PLEKHA5: variants seen among roughly 807,000 people sequenced by gnomAD.
The protein encoded by PLEKHA5 is pleckstrin homology domain-containing family A member 5.
Under a neutral mutation model 181.9 loss-of-function variants are expected in PLEKHA5, and 55 were observed. The ratio of observed to expected loss-of-function variants is 0.30; its 90% CI spans 0.24 to 0.38. PLEKHA5 has a LOEUF of 0.38. Among genes scored for constraint, PLEKHA5 ranks in the 10% least tolerant of loss-of-function variants. The pLI is 1.00. For synonymous variants in PLEKHA5, 535 were observed against 529.4 expected (o/e 1.01, Z -0.15); for missense variants, 1,432 against 1,549.5 (o/e 0.92, Z 1.27).
At chr12:19,288,433 C>T (rs1391288012) in intron 13 of PLEKHA5, among the ~76,000 whole-genome samples, 1 of 152,136 alleles carries the variant, frequency 6.6e-6, no homozygotes, top group Non-Finnish European at 1.5e-5. Flanking sequence ...ATGACTTTTC[C>T]TCACTTCAGT....
intron 22 of PLEKHA5, among the ~76,000 whole-genome samples, chr12:19,344,049 C>CAAAAA (rs35734108): frequency 8.3e-6 from 1 of 120,982 alleles, no homozygotes. Flanking sequence ...GAAACTGTCC[C>CAAAAA]AAAAAAAAAA....
chr12:19,240,850 T>G (rs12827782), intron 3 of PLEKHA5, among the ~76,000 whole-genome samples: 1 of 152,148 alleles, frequency 6.6e-6, no homozygotes, highest in African/African-American at 2.4e-5. Context: ...AGTTTTATTT[T>G]GAAAGTCAGT....
intron 6 of PLEKHA5, among the ~76,000 whole-genome samples, chr12:19,260,602 A>C (rs1185911710): frequency 6.6e-6 from 1 of 152,194 alleles, no homozygotes; most frequent in African/African-American, 2.4e-5. Context: ...CAAGCCTGTA[A>C]TCCCAGCACT....
chr12:19,201,553 C>G (rs1386931867), intron 3 of PLEKHA5: 2 of 152,028 alleles, frequency 1.3e-5, no homozygotes. Flanking sequence ...TCATAACAGC[C>G]TAACAGTGCA....
intron 13 of PLEKHA5, 124 bp from the exon 14 acceptor site, chr12:19,290,553 G>T: frequency 4.2e-6 from 3 of 710,578 alleles, no homozygotes; most frequent in Non-Finnish European, 4.5e-6. Flanking sequence ...ATAGTGCCTA[G>T]GCACTATGTT....
At chr12:19,308,775 A>G (rs1029687467) in intron 15 of PLEKHA5, among the ~76,000 whole-genome samples, 5 of 152,160 alleles carry the variant, frequency 3.3e-5, no homozygotes, top group Non-Finnish European at 5.9e-5. Context: ...GGCTGGGCAC[A>G]GTGGCTCACC....
At chr12:19,167,822 G>A (rs901592866) in intron 3 of PLEKHA5, among the ~76,000 whole-genome samples, 3 of 152,046 alleles carry the variant, frequency 2.0e-5, no homozygotes, top group African/African-American at 7.2e-5. Context: ...TGTCTGCTGG[G>A]GAAAGTGACA....
Position 19,255,179 on chromosome 12 carries a change from CTTTATA to C in PLEKHA5, c.432+17_432+22del. On this transcript the variant is annotated intron_variant, in intron 5 of 31. Transcript: ENST00000429027. Reference sequence around the variant, plus strand: ...CCTGTAGGCAGAGTAAGTTATTTTGCTTTATATTAATTATTGATAAGGAGTAAACAG... The same window carrying C: ...CCTGTAGGCAGAGTAAGTTATTTTGCTTAATTATTGATAAGGAGTAAACAG... 1 of 1,550,526 alleles carries C rather than the reference CTTTATA, an allele frequency of 6.4e-7. No homozygotes were observed. Among genetic ancestry groups the C allele is most frequent in the South Asian group, 1.2e-5 (1 of 81,658 alleles).
intron 5 of PLEKHA5, among the ~76,000 whole-genome samples, chr12:19,256,631 T>TGGG (rs2066952164): frequency 6.6e-6 from 1 of 152,226 alleles, no homozygotes; most frequent in Non-Finnish European, 1.5e-5. Context: ...CCTTAAAATT[T>TGGG]TCTTATATAC....
Position 19,129,975 on chromosome 12 carries a change from G to A in PLEKHA5, c.90-76G>A, listed in dbSNP as rs965109549. 142 of 1,456,234 alleles carry A rather than the reference G, an allele frequency of 9.8e-5. 1 individual carries two copies. The Admixed American group carries it at 1.2e-3, about 12-fold the overall frequency. The allele number at this position is 1,456,234 out of a possible 1,614,324, so 90.2% of individuals were successfully genotyped here. On this transcript the variant is annotated intron_variant, in intron 1 of 31. Transcript: ENST00000429027. ...GCGACACGGGGGAGAGCCCGGGTCT[G>A]TGCTCCTGCAGCCCCTCGGCTCGCC...
rs140979096 is a variant in PLEKHA5, at chr12:19,301,141, A to T, written c.2037+9444A>T. Among the ~76,000 whole-genome samples, 413 of 152,084 alleles carry T rather than the reference A, an allele frequency of 2.7e-3. 2 individuals carry two copies. Among genetic ancestry groups the T allele is most frequent in the African/African-American group, 9.6e-3 (397 of 41,466 alleles). On this transcript the variant is annotated intron_variant, in intron 15 of 31. Coordinates refer to ENST00000429027, the MANE Select transcript of PLEKHA5 (RefSeq NM_001256470.2). Reference sequence around the variant, plus strand: ...TTCCAGCCTGGGCAACAAGAGCGAAACTCCGTCTCAAAAATAAAATAAAAT... The same window carrying T: ...TTCCAGCCTGGGCAACAAGAGCGAATCTCCGTCTCAAAAATAAAATAAAAT...
intron 3 of PLEKHA5, among the ~76,000 whole-genome samples, chr12:19,147,967 G>A (rs1171605559): frequency 3.3e-5 from 5 of 152,096 alleles, no homozygotes; most frequent in Non-Finnish European, 5.9e-5. Context: ...GAACTCCTGG[G>A]CCCACGCCAT....
At chr12:19,266,161 G>A (rs930359479) in intron 8 of PLEKHA5, among the ~76,000 whole-genome samples, 11 of 151,940 alleles carry the variant, frequency 7.2e-5, no homozygotes, top group African/African-American at 9.7e-5. Flanking sequence ...TTTTTTCAAC[G>A]TTACTGTATG....
At chr12:19,331,881 C>T (rs2092877859) in intron 20 of PLEKHA5, among the ~76,000 whole-genome samples, 1 of 151,938 alleles carries the variant, frequency 6.6e-6, no homozygotes, top group African/African-American at 2.4e-5. Context: ...AAACAATGCC[C>T]CAGCATGGTG....
At chr12:19,350,017 C>CA (rs1187056232) in intron 25 of PLEKHA5, among the ~76,000 whole-genome samples, 1 of 152,176 alleles carries the variant, frequency 6.6e-6, no homozygotes, top group Admixed American at 6.6e-5. Context: ...GAGACTGAGA[C>CA]AGGAGAATCA....
chr12:19,332,513 A>C (rs2092947335), intron 20 of PLEKHA5, among the ~76,000 whole-genome samples: 1 of 152,006 alleles, frequency 6.6e-6, no homozygotes, highest in Non-Finnish European at 1.5e-5. Flanking sequence ...GGGTATTGCT[A>C]CATTGCCCAG....
chr12:19,294,786 C>G (rs1222771490), intron 15 of PLEKHA5, among the ~76,000 whole-genome samples: 2 of 152,186 alleles, frequency 1.3e-5, no homozygotes, highest in African/African-American at 2.4e-5. Context: ...ATAGCCTTAT[C>G]TGAAAGTCTG....
intron 3 of PLEKHA5, among the ~76,000 whole-genome samples, chr12:19,158,439 A>G (rs895165113): frequency 2.0e-5 from 3 of 152,220 alleles, no homozygotes; most frequent in Non-Finnish European, 4.4e-5. Flanking sequence ...TGGCTGTGGT[A>G]TGCTGGTGGC....
intron 3 of PLEKHA5, among the ~76,000 whole-genome samples, chr12:19,177,091 C>A (rs2047475199): frequency 6.6e-6 from 1 of 152,072 alleles, no homozygotes; most frequent in Non-Finnish European, 1.5e-5. Context: ...TGGTCTTGAT[C>A]TCCTGACCTC....
Sources: allele counts gnomAD v4.1 joint callset (sites outside exome capture counted in the v4.1 genomes callset), GRCh38; gene constraint gnomAD v4.1.1; transcripts MANE v1.5; gene names NCBI Gene and HGNC (gene_info 2026-07-23, HGNC 2026-07-21).